Variants in BANP observed in about 807,000 individuals in gnomAD.
BANP encodes protein BANP.
Under a neutral mutation model 68.1 loss-of-function variants are expected in BANP, and 11 were observed. The ratio of observed to expected loss-of-function variants is 0.16; its 90% confidence interval spans 0.10 to 0.27. BANP has a LOEUF of 0.27. Ranked by LOEUF, BANP falls within the 10% of genes least tolerant of loss-of-function variation. The pLI is 1.00. For synonymous variants in BANP, 329 were observed against 303.2 expected, an observed-to-expected ratio of 1.09 and a Z score of -0.88; for missense variants, 504 against 722.7, an observed-to-expected ratio of 0.70 and a Z score of 3.47.
chr16:88,063,285 T>G (rs1467379578), intron 11 of BANP, among the ~76,000 whole-genome samples: 5 of 152,088 alleles, frequency 3.3e-5, no homozygotes, highest in Admixed American at 3.3e-4. Context: ...TCCCCTCCCC[T>G]CCCCGGTGTG....
intron 1 of BANP, among the ~76,000 whole-genome samples, chr16:87,973,721 C>G (rs1259221867): frequency 7.2e-6 from 1 of 138,604 alleles, no homozygotes. Context: ...CCATTGCATT[C>G]CAGCCTGGGC....
At chr16:88,065,121 C>T in intron 11 of BANP, 146 bp from the exon 12 acceptor site, 2 of 523,118 alleles carry the variant, frequency 3.8e-6, no homozygotes, top group South Asian at 2.6e-5. Flanking sequence ...GCTGGAGGCT[C>T]CTGTGGCTGC....
At chr16:87,983,335 G>A (rs979999003) in intron 3 of BANP, among the ~76,000 whole-genome samples, 3 of 152,200 alleles carry the variant, frequency 2.0e-5, no homozygotes, top group Non-Finnish European at 4.4e-5. Context: ...ATTCCTGTGT[G>A]ATTAACACGT....
At chr16:87,987,428 C>G (rs891377031) in intron 4 of BANP, among the ~76,000 whole-genome samples, 8 of 151,964 alleles carry the variant, frequency 5.3e-5, no homozygotes, top group Non-Finnish European at 1.0e-4. Context: ...ATTTGAATGA[C>G]TTTTAAAGAA....
intron 4 of BANP, among the ~76,000 whole-genome samples, chr16:87,997,059 C>T (rs1432551899): frequency 6.6e-6 from 1 of 152,160 alleles, no homozygotes; most frequent in Non-Finnish European, 1.5e-5. Flanking sequence ...TTCCCTGAAG[C>T]AGAAGAGAAA....
intron 1 of BANP, among the ~76,000 whole-genome samples, chr16:87,973,513 C>T (rs997702020): frequency 1.3e-5 from 2 of 152,148 alleles, no homozygotes; most frequent in Non-Finnish European, 2.9e-5. Context: ...GTAATCCCAG[C>T]ACCTTGGGAG....
At chr16:88,038,291 C>G (rs2079898784) in intron 11 of BANP, among the ~76,000 whole-genome samples, 1 of 152,138 alleles carries the variant, frequency 6.6e-6, no homozygotes, top group African/African-American at 2.4e-5. Flanking sequence ...AATGGGGGCT[C>G]TCGCGGGAGG....
intron 11 of BANP, among the ~76,000 whole-genome samples, chr16:88,059,842 T>C (rs1029622507): frequency 3.9e-5 from 6 of 152,012 alleles, no homozygotes; most frequent in Non-Finnish European, 5.9e-5. Flanking sequence ...TCCCGCTGAG[T>C]GCGCCTAGGT....
chr16:88,054,662 A>G (rs1006567165), intron 11 of BANP, among the ~76,000 whole-genome samples: 8 of 152,200 alleles, frequency 5.3e-5, no homozygotes, highest in South Asian at 4.1e-4. Context: ...TTTCTAATCT[A>G]TCTACTTATT....
intron 1 of BANP, among the ~76,000 whole-genome samples, chr16:87,955,257 G>A (rs569182704): frequency 6.6e-5 from 10 of 152,334 alleles, no homozygotes; most frequent in East Asian, 3.9e-4. Context: ...CCAGCCGAGC[G>A]TCCAGGGGCC....
At chr16:88,073,761 T>C (rs931008791) in intron 13 of BANP, among the ~76,000 whole-genome samples, 5 of 152,210 alleles carry the variant, frequency 3.3e-5, no homozygotes, top group African/African-American at 1.2e-4. Flanking sequence ...GGGCCATGCC[T>C]GAGGGCGTCC....
intron 6 of BANP, among the ~76,000 whole-genome samples, chr16:88,007,211 G>A (rs7405138): frequency 0.93 from 140,644 of 152,034 alleles, 65,280 homozygotes; most frequent in East Asian, 1. Context: ...CTAACCTTTC[G>A]TTATTGAAAC....
At chr16:88,053,594 A>G (rs1254207223) in intron 11 of BANP, among the ~76,000 whole-genome samples, 1 of 114,504 alleles carries the variant, frequency 8.7e-6, no homozygotes, top group Non-Finnish European at 1.8e-5. Flanking sequence ...ATCATCACCA[A>G]CACAACCACC....
chr16:88,021,449 A>G (rs1384234216), intron 7 of BANP, among the ~76,000 whole-genome samples: 2 of 152,136 alleles, frequency 1.3e-5, no homozygotes, highest in Non-Finnish European at 2.9e-5. Flanking sequence ...GTGACTTTGC[A>G]TGAGGAAGGC....
chr16:88,020,367 A>G (rs547191955), intron 7 of BANP, among the ~76,000 whole-genome samples: 2 of 152,350 alleles, frequency 1.3e-5, no homozygotes, highest in Admixed American at 1.3e-4. Flanking sequence ...GGCCAGGAGC[A>G]CACATCTGCG....
intron 6 of BANP, among the ~76,000 whole-genome samples, chr16:88,010,645 T>C (rs1225815296): frequency 6.6e-6 from 1 of 152,232 alleles, no homozygotes; most frequent in East Asian, 1.9e-4. Flanking sequence ...GACCTCACAG[T>C]CCACACAATG....
chr16:87,979,955 C>A (rs1247259951), intron 2 of BANP, among the ~76,000 whole-genome samples: 1 of 152,094 alleles, frequency 6.6e-6, no homozygotes, highest in Admixed American at 6.6e-5. Flanking sequence ...AAAAACCAAA[C>A]AAAACGATTA....
intron 7 of BANP, among the ~76,000 whole-genome samples, chr16:88,019,445 C>T (rs565899942): frequency 6.6e-6 from 1 of 151,770 alleles, no homozygotes; most frequent in South Asian, 2.1e-4. Flanking sequence ...AATCTGGGCT[C>T]TGGAGAGTCA....
At chr16:87,966,074 G>T (rs571446998) in intron 1 of BANP, among the ~76,000 whole-genome samples, 1 of 152,350 alleles carries the variant, frequency 6.6e-6, no homozygotes, top group East Asian at 1.9e-4. Flanking sequence ...GCACCGCTGT[G>T]CAGCTTTCCA....
Sources: gnomAD v4.1 joint callset for allele counts (sites outside exome capture counted in the v4.1 genomes callset) on GRCh38, gnomAD v4.1.1 for gene constraint, MANE v1.5 for transcripts, NCBI Gene and HGNC (gene_info 2026-07-23, HGNC 2026-07-21) for gene names.